DAAM1: variants seen among roughly 807,000 people sequenced by gnomAD.
The protein encoded by DAAM1 is disheveled-associated activator of morphogenesis 1.
DAAM1 carries 52 observed loss-of-function variants against 130.0 expected under a neutral mutation model. That is an observed-to-expected ratio of 0.40 (90% CI 0.32 to 0.50). DAAM1 has a LOEUF of 0.50. Among genes scored for constraint, DAAM1 ranks in the 20% least tolerant of loss-of-function variants. The probability of loss-of-function intolerance (pLI) is 0.61; values close to 1 mark genes in which losing one functional copy is unlikely to be tolerated. For synonymous variants in DAAM1, 452 were observed against 444.5 expected (o/e 1.02, Z -0.21); for missense variants, 1,134 against 1,303.8 (o/e 0.87, Z 2.01).
intron 12 of DAAM1, among the ~76,000 whole-genome samples, chr14:59,327,402 C>CTTTTGTTTTTTTTT (rs1885249348): frequency 5.1e-5 from 3 of 58,992 alleles, no homozygotes; most frequent in Non-Finnish European, 8.8e-5. Context: ...CACTTGGTTT[C>CTTTTGTTTTTTTTT]TTTTTTTTTT....
intron 14 of DAAM1, 120 bp from the exon 15 acceptor site, chr14:59,331,693 C>G: frequency 6.7e-7 from 1 of 1,488,970 alleles, no homozygotes; most frequent in Non-Finnish European, 9.0e-7. Context: ...GTTTGAAACC[C>G]GTCACTTTGA....
intron 15 of DAAM1, among the ~76,000 whole-genome samples, chr14:59,337,413 G>A (rs767495537): frequency 6.6e-6 from 1 of 152,214 alleles, no homozygotes; most frequent in Non-Finnish European, 1.5e-5. Flanking sequence ...GGAATTGTGT[G>A]AAACAGCTCA....
At chr14:59,331,580 A>G in intron 14 of DAAM1, 72 bp downstream of exon 14, 1 of 1,516,456 alleles carries the variant, frequency 6.6e-7, no homozygotes, top group African/African-American at 1.4e-5. Flanking sequence ...CTGAAAGGGA[A>G]AACAGCCCTG....
rs17096129 is a variant in DAAM1 at position 59,342,934 on chromosome 14, C to T, written c.2075+2754C>T. ...CAGTTAGTAGAGAGCCCTGCAATCCCGGCAGAAAATTATCAATTGGATTGA... is the reference window on the plus strand; with the variant it reads ...CAGTTAGTAGAGAGCCCTGCAATCCTGGCAGAAAATTATCAATTGGATTGA... On this transcript the variant is annotated intron_variant, in intron 16 of 24. Coordinates refer to ENST00000360909, the MANE Select transcript of DAAM1 (RefSeq NM_001270520.2). 1.3e-3 allele frequency among the ~76,000 whole-genome samples: 192 copies of T among 152,190 alleles called. 2 individuals carry two copies. The East Asian group carries it at 0.026, about 21-fold the overall frequency.
chr14:59,235,304 A>G (rs535570322), intron 1 of DAAM1, among the ~76,000 whole-genome samples: 1 of 152,328 alleles, frequency 6.6e-6, no homozygotes, highest in Admixed American at 6.5e-5. Flanking sequence ...GCTATTAATT[A>G]CTACCTCAAT....
intron 1 of DAAM1, among the ~76,000 whole-genome samples, chr14:59,240,429 C>A (rs538658535): frequency 3.3e-5 from 5 of 152,128 alleles, no homozygotes; most frequent in Non-Finnish European, 1.5e-5. Flanking sequence ...CTTTATGGGA[C>A]AGAAATCCCA....
chr14:59,327,402 C>CTTTTTTTTCTTTTTTTTT (rs1885249868), intron 12 of DAAM1, among the ~76,000 whole-genome samples: 1 of 58,990 alleles, frequency 1.7e-5, no homozygotes. Context: ...CACTTGGTTT[C>CTTTTTTTTCTTTTTTTTT]TTTTTTTTTT....
chr14:59,238,270 A>C (rs1889365301), intron 1 of DAAM1, among the ~76,000 whole-genome samples: 1 of 152,126 alleles, frequency 6.6e-6, no homozygotes, highest in African/African-American at 2.4e-5. Flanking sequence ...ACTAAGACCT[A>C]GCAGTCCTCT....
chr14:59,336,921 A>G (rs1250153588), intron 15 of DAAM1, among the ~76,000 whole-genome samples: 1 of 152,166 alleles, frequency 6.6e-6, no homozygotes, highest in Non-Finnish European at 1.5e-5. Context: ...ATCAGTTGTT[A>G]ATTAACCACA....
chr14:59,280,359 C>CA (rs1883154653), intron 2 of DAAM1, among the ~76,000 whole-genome samples: 1 of 152,090 alleles, frequency 6.6e-6, no homozygotes, highest in South Asian at 2.1e-4. Context: ...GACTTGAGCA[C>CA]AGGAGGTCAA....
intron 3 of DAAM1, among the ~76,000 whole-genome samples, chr14:59,294,679 T>C (rs562848298): frequency 1.3e-5 from 2 of 152,348 alleles, no homozygotes; most frequent in South Asian, 4.1e-4. Flanking sequence ...TTCCCTTTTT[T>C]AGTTCCAATC....
At chr14:59,239,200 G>A (rs1308682282) in intron 1 of DAAM1, among the ~76,000 whole-genome samples, 3 of 152,176 alleles carry the variant, frequency 2.0e-5, no homozygotes, top group African/African-American at 7.2e-5. Context: ...ATACTATTAT[G>A]CTGTTGTGAA....
chr14:59,365,101 C>T (rs574710330), intron 23 of DAAM1, among the ~76,000 whole-genome samples: 15 of 151,872 alleles, frequency 9.9e-5, no homozygotes, highest in Admixed American at 8.5e-4. Flanking sequence ...TAGCCAGCAT[C>T]GCGCTTCTCT....
chr14:59,258,732 G>A (rs1404174300), intron 1 of DAAM1, among the ~76,000 whole-genome samples: 1 of 152,074 alleles, frequency 6.6e-6, no homozygotes, highest in South Asian at 2.1e-4. Context: ...GATGCCTGTT[G>A]GAAATCTCCA....
chr14:59,298,964 A>G (rs540073459), intron 3 of DAAM1, among the ~76,000 whole-genome samples: 1 of 152,162 alleles, frequency 6.6e-6, no homozygotes, highest in Non-Finnish European at 1.5e-5. Context: ...AAGTAAATGT[A>G]CTCATAGGTT....
At chr14:59,235,757 G>A (rs541936404) in intron 1 of DAAM1, among the ~76,000 whole-genome samples, 70 of 152,164 alleles carry the variant, frequency 4.6e-4, no homozygotes, top group African/African-American at 1.5e-3. Flanking sequence ...GATCTTTCTA[G>A]CTTTCTGATG....
At chr14:59,325,585 T>G in intron 8 of DAAM1, 79 bp from the exon 9 acceptor site, 2 of 1,219,920 alleles carry the variant, frequency 1.6e-6, no homozygotes, top group Non-Finnish European at 2.3e-6. Flanking sequence ...GGAAAAACCA[T>G]GATATTAATG....
In DAAM1 at chr14:59,288,832, GGAGAGAGAGAGA is replaced by G. The variant is rs58762540; in HGVS notation, c.184-2367_184-2356del. Among the ~76,000 whole-genome samples the G allele has an allele frequency of 2.2e-4, 32 of 143,990 alleles. No individual in the cohort carries two copies. The South Asian group carries it at 3.1e-3, about 14-fold the overall frequency. 94.5% of individuals were successfully genotyped at this position (143,990 alleles called of 152,430 possible). Reference sequence around the variant, plus strand: ...GCAAGCACATTTTCCTGTGATAGCAGGAGAGAGAGAGAGAGAGAGAGAGAGAGAGCGCGCGAA... The same window carrying G: ...GCAAGCACATTTTCCTGTGATAGCAGGAGAGAGAGAGAGAGAGCGCGCGAA... On this transcript the variant is annotated intron_variant, in intron 2 of 24. Transcript: ENST00000360909.
chr14:59,347,762 ACT>A (rs1367418181), intron 17 of DAAM1, 139 bp downstream of exon 17: 1 of 741,694 alleles, frequency 1.3e-6, no homozygotes, highest in Non-Finnish European at 2.2e-6. Flanking sequence ...TTCCCATGTG[ACT>A]CTGTTAGGAA....
Sources: allele counts gnomAD v4.1 joint callset (sites outside exome capture counted in the v4.1 genomes callset), GRCh38; gene constraint gnomAD v4.1.1; transcripts MANE v1.5; gene names NCBI Gene and HGNC (gene_info 2026-07-23, HGNC 2026-07-21).